The following SPATA6 variants were observed in gnomAD, a reference collection of about 807,000 sequenced individuals.
SPATA6 encodes spermatogenesis-associated protein 6.
A neutral mutation model predicts 65.3 loss-of-function variants in SPATA6; 56 were observed. The ratio of observed to expected loss-of-function variants is 0.86; its 90% confidence interval spans 0.69 to 1.07. The LOEUF is 1.07. Among genes scored for constraint, SPATA6 ranks in the 50% least tolerant of loss-of-function variants. The pLI, the probability that SPATA6 is intolerant of heterozygous loss-of-function variation, is 0.00. For synonymous variants in SPATA6, 199 were observed against 213.2 expected, an observed-to-expected ratio of 0.93 and a Z score of 0.58; for missense variants, 590 against 594.8, an observed-to-expected ratio of 0.99 and a Z score of 0.08.
the SPATA6 span, among the ~76,000 whole-genome samples, chr1:48,267,300 G>C: frequency 6.6e-6 from 1 of 152,158 alleles, no homozygotes; most frequent in African/African-American, 2.4e-5. Flanking sequence ...ATGTGTTACA[G>C]TGCACTCTTT....
At chr1:48,338,481 G>A (rs1400730397) in intron 11 of SPATA6, among the ~76,000 whole-genome samples, 3 of 152,052 alleles carry the variant, frequency 2.0e-5, no homozygotes, top group South Asian at 2.1e-4. Context: ...ATCTATCAGG[G>A]CACAGGCCCT....
intron 9 of SPATA6, among the ~76,000 whole-genome samples, chr1:48,368,949 T>C (rs978255052): frequency 2.6e-5 from 4 of 152,188 alleles, no homozygotes; most frequent in Admixed American, 1.3e-4. Flanking sequence ...TCTTTGATGA[T>C]GGTGATGTAC....
At chr1:48,389,842 A>G (rs1329858105) in intron 8 of SPATA6, among the ~76,000 whole-genome samples, 1 of 152,232 alleles carries the variant, frequency 6.6e-6, no homozygotes, top group East Asian at 1.9e-4. Flanking sequence ...ACACACGAAA[A>G]TACAAAACTC....
intron 1 of SPATA6, among the ~76,000 whole-genome samples, chr1:48,466,074 G>A (rs1229108475): frequency 3.3e-5 from 5 of 152,136 alleles, no homozygotes; most frequent in Non-Finnish European, 2.9e-5. Context: ...TAGTCAATTT[G>A]TAAAATGCTC....
intron 3 of SPATA6, among the ~76,000 whole-genome samples, chr1:48,449,616 T>C (rs868694633): frequency 5.3e-5 from 8 of 152,168 alleles, no homozygotes; most frequent in Admixed American, 3.9e-4. Context: ...GACACTACTA[T>C]AGGAAAAAAG....
At chr1:48,313,235 A>G (rs1247891304) in intron 11 of SPATA6, among the ~76,000 whole-genome samples, 3 of 152,208 alleles carry the variant, frequency 2.0e-5, no homozygotes, top group East Asian at 1.9e-4. Flanking sequence ...TCCAAGACAC[A>G]TAATTGTCAG....
intron 11 of SPATA6, among the ~76,000 whole-genome samples, chr1:48,351,707 A>G (rs1646517873): frequency 6.6e-6 from 1 of 152,080 alleles, no homozygotes; most frequent in African/African-American, 2.4e-5. Context: ...TTTTGTATAT[A>G]CATTCATGAG....
At chr1:48,338,517 T>C (rs1570190464) in intron 11 of SPATA6, among the ~76,000 whole-genome samples, 1 of 152,188 alleles carries the variant, frequency 6.6e-6, no homozygotes, top group South Asian at 2.1e-4. Flanking sequence ...AAAACGTTGA[T>C]TGCTGAGACT....
At position 48,298,776 on chromosome 1, in the gene SPATA6, C is replaced by T; in HGVS notation, c.1404G>A (p.Lys468=). ...CCTTTTTGTATAAGTTCCTGTACATCTTGTCCATGCTGTTCTCAAAGATGG... is the reference window on the plus strand; with the variant it reads ...CCTTTTTGTATAAGTTCCTGTACATTTTGTCCATGCTGTTCTCAAAGATGG... ...HRPIFENSMD[K]MYRNLYKKAC... is the part of the protein sequence containing the mutation. The change falls in exon 13 of 13, where the codon AAG becomes AAA. Residue 468 remains lysine (K), a synonymous_variant. Transcript: ENST00000371847. The T allele has an allele frequency of 1.9e-6, 3 of 1,614,004 alleles. No homozygotes were observed. Among genetic ancestry groups the T allele is most frequent in the Admixed American group, 1.7e-5 (1 of 60,010 alleles).
chr1:48,422,328 C>T (rs940096627), intron 3 of SPATA6, among the ~76,000 whole-genome samples: 1 of 152,136 alleles, frequency 6.6e-6, no homozygotes, highest in Non-Finnish European at 1.5e-5. Context: ...GGAGATGAAC[C>T]AGACATTGAA....
chr1:48,276,549 G>A, the SPATA6 span, among the ~76,000 whole-genome samples: 8,087 of 152,168 alleles, frequency 0.053, 284 homozygotes, highest in Non-Finnish European at 0.079. Context: ...GTTCTTATTC[G>A]TTTTAAAGAA....
intron 9 of SPATA6, among the ~76,000 whole-genome samples, chr1:48,368,714 T>C (rs1015778875): frequency 2.0e-5 from 3 of 152,214 alleles, no homozygotes; most frequent in Non-Finnish European, 4.4e-5. Context: ...TTTTCAAAGT[T>C]GTTAACTTCT....
chr1:48,348,133 T>A (rs1156433252), intron 11 of SPATA6, among the ~76,000 whole-genome samples: 1 of 152,022 alleles, frequency 6.6e-6, no homozygotes, highest in Non-Finnish European at 1.5e-5. Flanking sequence ...AACAACCTAC[T>A]GGGTGATTAC....
At chr1:48,354,031 G>GA (rs1646587766) in intron 11 of SPATA6, among the ~76,000 whole-genome samples, 1 of 151,924 alleles carries the variant, frequency 6.6e-6, no homozygotes, top group Non-Finnish European at 1.5e-5. Flanking sequence ...ACCTAAAAAT[G>GA]AAAGATAGAC....
intron 11 of SPATA6, among the ~76,000 whole-genome samples, chr1:48,321,092 G>A (rs1015977379): frequency 4.6e-5 from 7 of 152,006 alleles, no homozygotes; most frequent in Non-Finnish European, 8.8e-5. Flanking sequence ...AGGAAGACAG[G>A]AAGAAAAGAA....
At chr1:48,280,257 A>G in the SPATA6 span, among the ~76,000 whole-genome samples, 2 of 152,226 alleles carry the variant, frequency 1.3e-5, no homozygotes, top group African/African-American at 4.8e-5. Context: ...ACACCCTAAC[A>G]TCACAATTAA....
At chr1:48,309,412 G>A (rs1645143717) in intron 11 of SPATA6, among the ~76,000 whole-genome samples, 1 of 152,022 alleles carries the variant, frequency 6.6e-6, no homozygotes, top group South Asian at 2.1e-4. Flanking sequence ...TTCATTTCTG[G>A]AGATTTTCAT....
intron 1 of SPATA6, among the ~76,000 whole-genome samples, chr1:48,471,663 G>C (rs763157926): frequency 1.3e-5 from 2 of 152,190 alleles, no homozygotes; most frequent in African/African-American, 2.4e-5. Flanking sequence ...TCTCTCACTG[G>C]AAAGTTAGGA....
At chr1:48,429,383 G>A (rs972408242) in intron 3 of SPATA6, among the ~76,000 whole-genome samples, 1 of 152,156 alleles carries the variant, frequency 6.6e-6, no homozygotes, top group Non-Finnish European at 1.5e-5. Context: ...TACATGCTCA[G>A]GGGAAGGCTC....
Sources: allele counts gnomAD v4.1 joint callset (sites outside exome capture counted in the v4.1 genomes callset), GRCh38; gene constraint gnomAD v4.1.1; transcripts MANE v1.5; gene names NCBI Gene and HGNC (gene_info 2026-07-23, HGNC 2026-07-21).